Variants in ADGRD1 observed in about 807,000 individuals in gnomAD.
ADGRD1 encodes adhesion G protein-coupled receptor D1, also known as G-protein coupled receptor 133.
Under a neutral mutation model 113.4 loss-of-function variants are expected in ADGRD1, and 77 were observed. The ratio of observed to expected loss-of-function variants is 0.68; its 90% CI spans 0.57 to 0.82. The LOEUF is 0.82. Ranked by LOEUF, ADGRD1 falls within the 40% of genes least tolerant of loss-of-function variation. The pLI is 0.00. For synonymous variants in ADGRD1, 474 were observed against 475.0 expected (o/e 1.00, Z 0.03); for missense variants, 1,036 against 1,139.1 (o/e 0.91, Z 1.30).
chr12:130,998,197 GA>G (rs1254778161), intron 8 of ADGRD1, among the ~76,000 whole-genome samples: 3 of 152,038 alleles, frequency 2.0e-5, no homozygotes, highest in African/African-American at 7.2e-5. Context: ...TGGGGAGAGG[GA>G]GGGGGAGGGG....
At chr12:130,991,896 G>A (rs976551241) in intron 7 of ADGRD1, among the ~76,000 whole-genome samples, 1 of 152,110 alleles carries the variant, frequency 6.6e-6, no homozygotes, top group Non-Finnish European at 1.5e-5. Flanking sequence ...CGAGGCAGAA[G>A]GATCACTTGA....
At chr12:131,045,250 C>T (rs945968631) in intron 13 of ADGRD1, among the ~76,000 whole-genome samples, 1 of 152,236 alleles carries the variant, frequency 6.6e-6, no homozygotes, top group African/African-American at 2.4e-5. Context: ...AGGTCGCGGC[C>T]GTCATGTGGG....
At chr12:130,979,558 A>C (rs183175248) in intron 4 of ADGRD1, among the ~76,000 whole-genome samples, 1 of 152,328 alleles carries the variant, frequency 6.6e-6, no homozygotes, top group East Asian at 1.9e-4. Flanking sequence ...GACTGTGTCC[A>C]TAACCTCATG....
At chr12:131,051,023 A>AC (rs1883327078) in intron 13 of ADGRD1, among the ~76,000 whole-genome samples, 1 of 152,146 alleles carries the variant, frequency 6.6e-6, no homozygotes, top group South Asian at 2.1e-4. Context: ...CCTGTGTTAA[A>AC]CCATTCATGA....
At chr12:130,964,515 G>A (rs961676533) in intron 2 of ADGRD1, among the ~76,000 whole-genome samples, 5 of 151,918 alleles carry the variant, frequency 3.3e-5, no homozygotes, top group South Asian at 2.1e-4. Context: ...GTGAAACCCC[G>A]TCTCTACTAA....
chr12:131,034,098 C>T (rs528455493), intron 13 of ADGRD1, among the ~76,000 whole-genome samples: 27 of 152,316 alleles, frequency 1.8e-4, no homozygotes, highest in Non-Finnish European at 2.5e-4. Context: ...TAATATTCGA[C>T]GTGGCCGTCA....
At chr12:131,012,468 G>A (rs951880111) in intron 12 of ADGRD1, among the ~76,000 whole-genome samples, 26 of 152,124 alleles carry the variant, frequency 1.7e-4, no homozygotes, top group African/African-American at 5.8e-4. Context: ...GCAGGAAGTC[G>A]CTTCTGCGGG....
intron 4 of ADGRD1, among the ~76,000 whole-genome samples, chr12:130,979,663 A>G (rs936652273): frequency 2.6e-4 from 40 of 152,174 alleles, no homozygotes; most frequent in Non-Finnish European, 4.4e-5. Context: ...CCACCGTCCC[A>G]TCATGGGCCT....
At chr12:130,991,182 C>A (rs980869740) in intron 7 of ADGRD1, 104 bp downstream of exon 7, 1 of 854,954 alleles carries the variant, frequency 1.2e-6, no homozygotes, top group Non-Finnish European at 1.9e-6. Flanking sequence ...TCTCTGTTAT[C>A]GGCAGTACAT....
At chr12:131,044,196 T>C (rs1882432535) in intron 13 of ADGRD1, among the ~76,000 whole-genome samples, 1 of 152,214 alleles carries the variant, frequency 6.6e-6, no homozygotes, top group Non-Finnish European at 1.5e-5. Flanking sequence ...GTCCTAGCTA[T>C]GTGGGAAGTG....
chr12:131,104,053 G>T (rs1002438790), intron 15 of ADGRD1, among the ~76,000 whole-genome samples: 2 of 152,232 alleles, frequency 1.3e-5, no homozygotes, highest in African/African-American at 4.8e-5. Flanking sequence ...TCTATCCTTT[G>T]TGGCCCTGCA....
At chr12:131,138,998 G>A (rs1050732771) in intron 24 of ADGRD1, among the ~76,000 whole-genome samples, 170 bp from the exon 25 acceptor site, 7 of 152,180 alleles carry the variant, frequency 4.6e-5, no homozygotes, top group African/African-American at 1.2e-4. Flanking sequence ...GCCACAGTGC[G>A]CACATCCTCA....
At chr12:131,103,585 C>T (rs1593220189) in intron 15 of ADGRD1, among the ~76,000 whole-genome samples, 1 of 152,214 alleles carries the variant, frequency 6.6e-6, no homozygotes, top group Non-Finnish European at 1.5e-5. Context: ...CCTGCCTCAC[C>T]CTGAGCTGGG....
intron 15 of ADGRD1, among the ~76,000 whole-genome samples, chr12:131,086,041 G>A (rs73166649): frequency 0.017 from 2,531 of 152,212 alleles, 28 homozygotes; most frequent in Non-Finnish European, 0.027. Context: ...AGCTCAGGTG[G>A]TTCCCAGCAG....
At chr12:131,126,830 T>C (rs1950747399) in intron 20 of ADGRD1, among the ~76,000 whole-genome samples, 1 of 152,194 alleles carries the variant, frequency 6.6e-6, no homozygotes, top group African/African-American at 2.4e-5. Context: ...TGTACATGCC[T>C]CAGTCCCAGG....
chr12:131,070,773 A>T (rs1342561952), intron 13 of ADGRD1: 1 of 517,256 alleles, frequency 1.9e-6, no homozygotes, highest in Non-Finnish European at 3.9e-6. Context: ...CCACAGCCTT[A>T]GCTGATTGGA....
chr12:131,078,288 C>T (rs1235909119), intron 14 of ADGRD1, among the ~76,000 whole-genome samples: 1 of 152,220 alleles, frequency 6.6e-6, no homozygotes, highest in East Asian at 1.9e-4. Context: ...GCTCCTGTCA[C>T]CTCCAGCAAA....
At chr12:131,034,114 T>C (rs1041328668) in intron 13 of ADGRD1, among the ~76,000 whole-genome samples, 4 of 152,152 alleles carry the variant, frequency 2.6e-5, no homozygotes, top group African/African-American at 7.2e-5. Flanking sequence ...CGTCAGGTGG[T>C]GTCACCCTGT....
At chr12:130,996,827 C>T (rs1439349639) in intron 8 of ADGRD1, among the ~76,000 whole-genome samples, 4 of 102,832 alleles carry the variant, frequency 3.9e-5, no homozygotes, top group Admixed American at 8.9e-5. Flanking sequence ...GCTGGCCGGG[C>T]GGGGGGCTGA....
Sources: gnomAD v4.1 joint callset for allele counts (sites outside exome capture counted in the v4.1 genomes callset) on GRCh38, gnomAD v4.1.1 for gene constraint, MANE v1.5 for transcripts, NCBI Gene and HGNC (gene_info 2026-07-23, HGNC 2026-07-21) for gene names.